Variants in LAMA5 observed in about 807,000 individuals in gnomAD.
LAMA5 encodes laminin subunit alpha-5.
A neutral mutation model predicts 433.4 loss-of-function variants in LAMA5; 260 were observed. The ratio of observed to expected loss-of-function variants is 0.60; its 90% confidence interval spans 0.54 to 0.66. LAMA5 has a LOEUF of 0.66. Among genes scored for constraint, LAMA5 ranks in the 30% least tolerant of loss-of-function variants. The pLI is 0.00. For synonymous variants in LAMA5, 2,620 were observed against 2,226.6 expected (o/e 1.18, Z -4.97); for missense variants, 5,378 against 5,258.5 (o/e 1.02, Z -0.70).
chr20:62,366,868 C>A, intron 1 of LAMA5, 81 bp downstream of exon 1: 1 of 1,227,156 alleles, frequency 8.1e-7, no homozygotes. Context: ...CCCCGGGCCA[C>A]GGCGCTCCCC....
chr20:62,316,909 G>A lies in LAMA5; in HGVS notation c.7626C>T (p.Ala2542=), dbSNP rs773565605. The change falls in exon 56 of 80, where the codon GCC becomes GCT. Residue 2542 remains alanine (A), a synonymous_variant. Transcript: ENST00000252999. ...VQAAEDAAGQ[A]LQQADHTWAT... ...CCCACGTGTGGTCCGCCTGCTGCAG[G>A]GCCTGGCCAGCAGCATCCTCGGCAG... 8.4e-6 allele frequency: 13 copies of A among 1,542,412 alleles called. No individual in the cohort carries two copies. Among genetic ancestry groups the A allele is most frequent in the East Asian group, 7.0e-5 (3 of 43,034 alleles).
At position 62,338,026 on chromosome 20, in the gene LAMA5, G is replaced by A; in HGVS notation, c.1881C>T (p.Pro627=). 3.1e-6 allele frequency: 5 copies of A among 1,598,318 alleles called. No homozygotes were observed. Among genetic ancestry groups the A allele is most frequent in the Non-Finnish European group, 3.4e-6 (4 of 1,170,498 alleles). The stretch of plus-strand genomic sequence containing the variant: ...TGACCCTCTGCTCACCTTGGCAGTT[G>A]GGGAAACCATGGTAGCCAGGGCGGC... The part of the protein sequence containing the change: ...DRCRPGYHGF[P]NCQACTCDPR... Residue 627 remains proline, a synonymous_variant, in exon 14 of 80, where the codon CCC becomes CCT. Coordinates refer to ENST00000252999, the MANE Select transcript of LAMA5 (RefSeq NM_005560.6).
At chr20:62,315,890 ACTGTCACAGAGCCTCATGGTCGGCCGG>A (rs1425592082) in intron 58 of LAMA5, 31 bp downstream of exon 58, 1 of 1,312,834 alleles carries the variant, frequency 7.6e-7, no homozygotes, top group Non-Finnish European at 1.1e-6. Context: ...GGCCAGCGCC[ACTGTCACAGAGCCTCATGGTCGGCCGG>A]CTGCGAGAGC....
intron 53 of LAMA5, among the ~76,000 whole-genome samples, chr20:62,318,189 G>A (rs116195465): frequency 0.011 from 124 of 11,594 alleles, 14 homozygotes; most frequent in African/African-American, 0.054. Flanking sequence ...GGAGGGAGAG[G>A]ACAGGAGAAG....
chr20:62,335,359 C>CT, intron 18 of LAMA5, 90 bp from the exon 19 acceptor site: 1 of 1,321,342 alleles, frequency 7.6e-7, no homozygotes. Context: ...CTAACACCCC[C>CT]TCCAGGGCAC....
At chr20:62,357,832 C>A (rs1203213936) in intron 2 of LAMA5, among the ~76,000 whole-genome samples, 2 of 152,182 alleles carry the variant, frequency 1.3e-5, no homozygotes, top group South Asian at 4.1e-4. Flanking sequence ...GGGGGCTGCC[C>A]GCACCTCAAC....
In LAMA5 at chr20:62,309,316, G is replaced by C. The variant is rs770193519; in HGVS notation, c.*20C>G. The C allele has an allele frequency of 1.9e-6, 3 of 1,589,714 alleles. No individual in the cohort carries two copies. The highest frequency in any genetic ancestry group is 1.1e-5 in the South Asian group (1 of 89,306). ...GAGGCAGCTGCAGGGGCCTGACCAG[G>C]GGCCGGGGTTGGCTGTGTCCTAGGC... On this transcript the variant is annotated 3_prime_UTR_variant, in exon 80 of 80. Transcript: ENST00000252999.
At chr20:62,325,932 C>CAGCTCAGGCTGGGTGTGGT in intron 40 of LAMA5, among the ~76,000 whole-genome samples, 1 of 152,300 alleles carries the variant, frequency 6.6e-6, no homozygotes, top group Non-Finnish European at 1.5e-5. Flanking sequence ...CATCAGAAGA[C>CAGCTCAGGCTGGGTGTGGT]AGCTCAGGCT....
intron 45 of LAMA5, 130 bp from the exon 46 acceptor site, chr20:62,322,888 A>C: frequency 1.7e-6 from 1 of 590,550 alleles, no homozygotes; most frequent in South Asian, 2.3e-5. Flanking sequence ...CCACCCGGCT[A>C]CCCACTCGTG....
chr20:62,323,640 C>A lies in LAMA5; in HGVS notation c.5880G>T (p.Leu1960=). 6.2e-7 allele frequency: 1 copy of A among 1,610,690 alleles called. No homozygotes were observed. The highest frequency in any genetic ancestry group is 8.5e-7 in the Non-Finnish European group (1 of 1,179,060). ...RCAPGFFGNP[L]VLGSSCQPCD... is the part of the protein sequence containing the mutation. ...ATGGCTGGCAGGAGCTGCCCAGCACCAGTGGGTTCCCAAAGAATCCGGGCG... is the reference window on the plus strand; with the variant it reads ...ATGGCTGGCAGGAGCTGCCCAGCACAAGTGGGTTCCCAAAGAATCCGGGCG... Residue 1960 remains leucine (L), a synonymous_variant, in exon 45 of 80, where the codon CTG becomes CTT. Coordinates refer to ENST00000252999, the MANE Select transcript of LAMA5 (RefSeq NM_005560.6).
chr20:62,328,782 G>C, intron 34 of LAMA5, 62 bp downstream of exon 34: 1 of 1,501,896 alleles, frequency 6.7e-7, no homozygotes, highest in Non-Finnish European at 9.2e-7. Context: ...TGGTCGACCC[G>C]TCCACCTTGG....
At position 62,334,319 on chromosome 20, in the gene LAMA5, G is replaced by A. The variant is rs777718683; in HGVS notation, c.2606C>T (p.Pro869Leu). ...CSEPARDHYLPDLHHLRLELE... is the reference protein window; with the variant it reads ...CSEPARDHYLLDLHHLRLELE... ...CTCCAGGCGCAGGTGGTGCAGGTCC[G>A]GGAGGTAGTGGTCCCTCGCAGGCCT... Residue 869 changes from proline to leucine, a missense_variant, in exon 22 of 80, where the codon CCG (proline) becomes CTG (leucine). Transcript: ENST00000252999. 5.6e-5 allele frequency: 90 copies of A among 1,607,482 alleles called. No individual in the cohort carries two copies. The highest frequency in any genetic ancestry group is 8.4e-5 in the Admixed American group (5 of 59,354).
chr20:62,314,531 G>A (rs372448955), intron 61 of LAMA5, 24 bp downstream of exon 61: 20 of 1,604,520 alleles, frequency 1.2e-5, no homozygotes, highest in Admixed American at 6.7e-5. Context: ...AGCTCGGGCC[G>A]CATCCACCCA....
intron 2 of LAMA5, among the ~76,000 whole-genome samples, chr20:62,358,389 C>T (rs1985560099): frequency 6.6e-6 from 1 of 152,216 alleles, no homozygotes; most frequent in African/African-American, 2.4e-5. Flanking sequence ...CCTGTCCCGG[C>T]CGCCGAGCTC....
intron 28 of LAMA5, 32 bp downstream of exon 28, chr20:62,332,339 AC>A: frequency 6.9e-7 from 1 of 1,452,884 alleles, no homozygotes; most frequent in East Asian, 2.3e-5. Flanking sequence ...AAAGAAGCTG[AC>A]CCCTTGGGGT....
intron 2 of LAMA5, among the ~76,000 whole-genome samples, chr20:62,358,342 C>A (rs1173200246): frequency 2.6e-5 from 4 of 152,188 alleles, no homozygotes; most frequent in Non-Finnish European, 5.9e-5. Context: ...CCCCAGGGAG[C>A]CCTGCTCAAG....
At chr20:62,356,648 C>G (rs1568983203) in intron 2 of LAMA5, among the ~76,000 whole-genome samples, 1 of 152,126 alleles carries the variant, frequency 6.6e-6, no homozygotes, top group East Asian at 1.9e-4. Context: ...CACTGCCTCA[C>G]AGGGGGTGGG....
chr20:62,360,171 C>G (rs920150758), intron 2 of LAMA5, among the ~76,000 whole-genome samples: 45 of 150,746 alleles, frequency 3.0e-4, no homozygotes, highest in Non-Finnish European at 4.0e-4. Context: ...TAGGCCGAGA[C>G]AGGGGCCTTG....
At chr20:62,313,983 TGGCGAGTGGGCACAGAGAC>T (rs1986632729) in intron 62 of LAMA5, among the ~76,000 whole-genome samples, 181 bp from the exon 63 acceptor site, 2 of 2,450 alleles carry the variant, frequency 8.2e-4, no homozygotes, top group Non-Finnish European at 1.9e-3. Flanking sequence ...CAGAGACGGG[TGGCGAGTGGGCACAGAGAC>T]GAGGGGTGGC....
Sources: gnomAD v4.1 joint callset for allele counts (sites outside exome capture counted in the v4.1 genomes callset) on GRCh38, gnomAD v4.1.1 for gene constraint, MANE v1.5 for transcripts, NCBI Gene and HGNC (gene_info 2026-07-23, HGNC 2026-07-21) for gene names.